The following POM121L12 variants were observed in gnomAD, a reference collection of about 807,000 sequenced individuals.
POM121L12 encodes POM121-like protein 12.
For missense variants in POM121L12, 553 were observed against 409.2 expected, an observed-to-expected ratio of 1.35 and a Z score of -3.03; for synonymous variants, 251 against 179.2, an observed-to-expected ratio of 1.40 and a Z score of -3.20.
chr7:53,036,326 C>A lies in POM121L12; in HGVS notation c.655C>A (p.Pro219Thr). Residue 219 changes from proline to threonine, a missense_variant, in exon 1 of 1, where the codon CCC becomes ACC. By Grantham distance (38) the Pro-to-Thr change is conservative. Coordinates refer to ENST00000408890, the MANE Select transcript of POM121L12 (RefSeq NM_182595.4). Reference protein sequence around the residue: ...NLQPRPSAFKPLSKNGAVASF... With the variant: ...NLQPRPSAFKTLSKNGAVASF... Reference sequence around the variant, plus strand: ...GCAGCCCCGGCCCTCTGCCTTCAAGCCCCTGAGCAAAAATGGAGCGGTTGC... The same window carrying A: ...GCAGCCCCGGCCCTCTGCCTTCAAGACCCTGAGCAAAAATGGAGCGGTTGC... 1 of 1,614,062 alleles carries A rather than the reference C, an allele frequency of 6.2e-7. No homozygotes were observed. The highest frequency in any genetic ancestry group is 1.1e-5 in the South Asian group (1 of 91,086).
At position 53,036,115 on chromosome 7, in the gene POM121L12, G is replaced by A; in HGVS notation, c.444G>A (p.Glu148=). 1 of 1,611,680 alleles carries A rather than the reference G, an allele frequency of 6.2e-7. No individual in the cohort carries two copies. Among genetic ancestry groups the A allele is most frequent in the Non-Finnish European group, 8.5e-7 (1 of 1,179,700 alleles). ...TIGIAPPERQ[E]SPWRSPGQRA... is the part of the protein sequence containing the mutation. ...GGATCGCGCCCCCTGAGCGTCAGGA[G>A]AGCCCCTGGAGATCCCCTGGACAGA... The change falls in exon 1 of 1, where the codon GAG becomes GAA. Residue 148 remains glutamate (E), a synonymous_variant. Transcript: ENST00000408890.
Position 53,036,414 on chromosome 7 carries a change from G to C in POM121L12, c.743G>C (p.Cys248Ser). ...PSLGPWSLSF[C>S]DDAWPSVLVQ... ...CTCGGCCCCTGGAGCCTCAGTTTTT[G>C]TGATGATGCTTGGCCTTCCGTGCTG... is the stretch of plus-strand genomic sequence containing the variant. The change falls in exon 1 of 1, where the codon TGT becomes TCT. Residue 248 changes from cysteine (C) to serine (S), a missense_variant. By Grantham distance (112) the Cys-to-Ser change is moderately radical. Transcript: ENST00000408890. 1 of 1,613,798 alleles carries C rather than the reference G, an allele frequency of 6.2e-7. No homozygotes were observed. The highest frequency in any genetic ancestry group is 8.5e-7 in the Non-Finnish European group (1 of 1,180,014).
chr7:53,036,448 C>G lies in POM121L12; in HGVS notation c.777C>G (p.Pro259=). The part of the protein sequence containing the change: ...DDAWPSVLVQ[P]APSAIWDFWE... ...CTTGGCCTTCCGTGCTGGTCCAGCC[C>G]GCCCCATCCGCCATCTGGGACTTCT... Residue 259 remains proline, a synonymous_variant, in exon 1 of 1, where the codon CCC becomes CCG. Coordinates refer to ENST00000408890, the MANE Select transcript of POM121L12 (RefSeq NM_182595.4). 2 of 1,613,824 alleles carry G rather than the reference C, an allele frequency of 1.2e-6. No homozygotes were observed. Among genetic ancestry groups the G allele is most frequent in the Non-Finnish European group, 1.7e-6 (2 of 1,180,034 alleles).
In POM121L12 at chr7:53,035,657, A is replaced by C; in HGVS notation, c.-15A>C. 1.3e-6 allele frequency: 2 copies of C among 1,542,456 alleles called. No individual in the cohort carries two copies. The highest frequency in any genetic ancestry group is 1.8e-6 in the Non-Finnish European group (2 of 1,142,656). On this transcript the variant is annotated 5_prime_UTR_variant, in exon 1 of 1. Coordinates refer to ENST00000408890, the MANE Select transcript of POM121L12 (RefSeq NM_182595.4). Reference sequence around the variant, plus strand: ...CGTGCCTTCCAAGCGCCCAGAGGCCAACGGTCCCCCAGCCATGGGCGCTGC... The same window carrying C: ...CGTGCCTTCCAAGCGCCCAGAGGCCCACGGTCCCCCAGCCATGGGCGCTGC...
At position 53,035,957 on chromosome 7, in the gene POM121L12, G is replaced by C. The variant is rs750845840; in HGVS notation, c.286G>C (p.Gly96Arg). 6.2e-7 allele frequency: 1 copy of C among 1,612,626 alleles called. No individual in the cohort carries two copies. Among genetic ancestry groups the C allele is most frequent in the Non-Finnish European group, 8.5e-7 (1 of 1,179,510 alleles). ...PAKPQRVVSE[G>R]WRRPALPGET... ...CAAGCCGCAGCGGGTGGTCTCCGAG[G>C]GCTGGAGGCGCCCTGCCCTTCCCGG... The change falls in exon 1 of 1, where the codon GGC becomes CGC. Residue 96 changes from glycine to arginine, a missense_variant. By Grantham distance (125) the Gly-to-Arg change is moderately radical. Coordinates refer to ENST00000408890, the MANE Select transcript of POM121L12 (RefSeq NM_182595.4).
In POM121L12 at chr7:53,035,679, C is replaced by G. The variant is rs962968919; in HGVS notation, c.8C>G (p.Ala3Gly). 6.3e-7 allele frequency: 1 copy of G among 1,578,522 alleles called. No homozygotes were observed. The highest frequency in any genetic ancestry group is 2.4e-5 in the East Asian group (1 of 42,442). ...GCCAACGGTCCCCCAGCCATGGGCG[C>G]TGCAGCTCCGGCCGAGTCCGCAGAC... The part of the protein sequence containing the change: MG[A>G]AAPAESADLG... The change falls in exon 1 of 1, where the codon GCT becomes GGT. Residue 3 changes from alanine to glycine, a missense_variant. Physicochemically the swap from Ala to Gly is moderately conservative, Grantham distance 60. Transcript: ENST00000408890.
In POM121L12 at chr7:53,036,213, C is replaced by G. The variant is rs775319102; in HGVS notation, c.542C>G (p.Ala181Gly). The G allele has an allele frequency of 6.2e-7, 1 of 1,612,994 alleles. No individual in the cohort carries two copies. Residue 181 changes from alanine to glycine, a missense_variant, in exon 1 of 1, where the codon GCG (alanine) becomes GGG (glycine). Coordinates refer to ENST00000408890, the MANE Select transcript of POM121L12 (RefSeq NM_182595.4). ...TGCACCCGGGAGACTCTGCTGGGGG[C>G]GCTCAGCCAGTGCCCCAAGGGAAGC... is the stretch of plus-strand genomic sequence containing the variant. ...DPCTRETLLGALSQCPKGSAR... is the reference protein window; with the variant it reads ...DPCTRETLLGGLSQCPKGSAR...
chr7:53,036,289 C>G lies in POM121L12; in HGVS notation c.618C>G (p.Gly206=), dbSNP rs770031870. Residue 206 remains glycine (G), a synonymous_variant, in exon 1 of 1, where the codon GGC becomes GGG. Transcript: ENST00000408890. The stretch of plus-strand genomic sequence containing the variant: ...TCGAGGTCTCAGACAGCAAGGGTGG[C>G]AGGCGGAACCTGCAGCCCCGGCCCT... The part of the protein sequence containing the change: ...LWFEVSDSKG[G]RRNLQPRPSA... 6.8e-6 allele frequency: 11 copies of G among 1,614,108 alleles called. No homozygotes were observed. In the South Asian group the frequency reaches 1.2e-4, roughly 18 times the overall value.
At position 53,036,363 on chromosome 7, in the gene POM121L12, C is replaced by A; in HGVS notation, c.692C>A (p.Pro231His). Residue 231 changes from proline (P) to histidine (H), a missense_variant, in exon 1 of 1, where the codon CCC becomes CAC. Transcript: ENST00000408890. The part of the protein sequence containing the change: ...SKNGAVASFV[P>H]RPGPLKPSLG... ...AATGGAGCGGTTGCTTCCTTCGTGC[C>A]CAGGCCAGGGCCTCTGAAGCCGAGC... The A allele has an allele frequency of 6.2e-7, 1 of 1,613,716 alleles. No individual in the cohort carries two copies. Among genetic ancestry groups the A allele is most frequent in the Non-Finnish European group, 8.5e-7 (1 of 1,179,876 alleles).
rs770164337 is a variant in POM121L12 at position 53,036,574 on chromosome 7, C to T, written c.*12C>T. 1.9e-6 allele frequency: 3 copies of T among 1,590,846 alleles called. No individual in the cohort carries two copies. Among genetic ancestry groups the T allele is most frequent in the South Asian group, 1.1e-5 (1 of 88,456 alleles). On this transcript the variant is annotated 3_prime_UTR_variant, in exon 1 of 1. Coordinates refer to ENST00000408890, the MANE Select transcript of POM121L12 (RefSeq NM_182595.4). Reference sequence around the variant, plus strand: ...CCTTTGGCTCCTAAGAATCTGGGCTCTGCTACCCACCTCCGGAGACACAAG... The same window carrying T: ...CCTTTGGCTCCTAAGAATCTGGGCTTTGCTACCCACCTCCGGAGACACAAG...
rs1370713679 is a variant in POM121L12, at chr7:53,036,012, G to A, written c.341G>A (p.Cys114Tyr). ...GETALGRDLS[C>Y]AWEGCMKGGL... ...ACCGCTCTGGGGCGAGACCTCTCCT[G>A]TGCCTGGGAGGGTTGCATGAAAGGG... Residue 114 changes from cysteine to tyrosine, a missense_variant, in exon 1 of 1, where the codon TGT becomes TAT. Coordinates refer to ENST00000408890, the MANE Select transcript of POM121L12 (RefSeq NM_182595.4). The A allele has an allele frequency of 6.2e-7, 1 of 1,613,132 alleles. No individual in the cohort carries two copies. Among genetic ancestry groups the A allele is most frequent in the Admixed American group, 1.7e-5 (1 of 60,020 alleles).
At position 53,036,359 on chromosome 7, in the gene POM121L12, G is replaced by A. The variant is rs200917237; in HGVS notation, c.688G>A (p.Val230Met). ...CAAAAATGGAGCGGTTGCTTCCTTC[G>A]TGCCCAGGCCAGGGCCTCTGAAGCC... ...LSKNGAVASFVPRPGPLKPSL... is the reference protein window; with the variant it reads ...LSKNGAVASFMPRPGPLKPSL... Residue 230 changes from valine (V) to methionine (M), a missense_variant, in exon 1 of 1, where the codon GTG becomes ATG. Transcript: ENST00000408890. 1.8e-4 allele frequency: 296 copies of A among 1,613,674 alleles called. No individual in the cohort carries two copies. The highest frequency in any genetic ancestry group is 2.5e-4 in the Admixed American group (15 of 60,010).
chr7:53,036,128 T>G lies in POM121L12; in HGVS notation c.457T>G (p.Ser153Ala), dbSNP rs2116355366. 3.7e-6 allele frequency: 6 copies of G among 1,611,188 alleles called. No individual in the cohort carries two copies. The Middle Eastern group carries it at 1.0e-3, about 269-fold the overall frequency. Residue 153 changes from serine to alanine, a missense_variant, in exon 1 of 1, where the codon TCC becomes GCC. Physicochemically the swap from Ser to Ala is moderately conservative, Grantham distance 99. Coordinates refer to ENST00000408890, the MANE Select transcript of POM121L12 (RefSeq NM_182595.4). Reference sequence around the variant, plus strand: ...TGAGCGTCAGGAGAGCCCCTGGAGATCCCCTGGACAGAGAGCCCGCCCCGC... The same window carrying G: ...TGAGCGTCAGGAGAGCCCCTGGAGAGCCCCTGGACAGAGAGCCCGCCCCGC... ...PPERQESPWRSPGQRARPAGR... is the reference protein window; with the variant it reads ...PPERQESPWRAPGQRARPAGR...
Position 53,035,740 on chromosome 7 carries a change from G to A in POM121L12, c.69G>A (p.Leu23=), listed in dbSNP as rs758484173. 6.2e-7 allele frequency: 1 copy of A among 1,613,090 alleles called. No homozygotes were observed. Among genetic ancestry groups the A allele is most frequent in the Non-Finnish European group, 8.5e-7 (1 of 1,179,704 alleles). ...TCTGGAAGGCGGGAGAACCCCTGCT[G>A]CAAGGCCCCGACGCCCTGGCGGCTC... ...GNFWKAGEPL[L]QGPDALAAPM... The change falls in exon 1 of 1, where the codon CTG becomes CTA. Residue 23 remains leucine (L), a synonymous_variant. Coordinates refer to ENST00000408890, the MANE Select transcript of POM121L12 (RefSeq NM_182595.4).
In POM121L12 at chr7:53,036,053, T is replaced by C. The variant is rs962696195; in HGVS notation, c.382T>C (p.Trp128Arg). Residue 128 changes from tryptophan (W) to arginine (R), a missense_variant, in exon 1 of 1, where the codon TGG (tryptophan) becomes CGG (arginine). Coordinates refer to ENST00000408890, the MANE Select transcript of POM121L12 (RefSeq NM_182595.4). ...GCMKGGLCRA[W>R]NPGRTWSPVT... is the part of the protein sequence containing the mutation. ...CATGAAAGGGGGGCTGTGTCGTGCCTGGAACCCAGGACGGACCTGGAGCCC... is the reference window on the plus strand; with the variant it reads ...CATGAAAGGGGGGCTGTGTCGTGCCCGGAACCCAGGACGGACCTGGAGCCC... 10 of 1,612,906 alleles carry C rather than the reference T, an allele frequency of 6.2e-6. No homozygotes were observed. The highest frequency in any genetic ancestry group is 8.5e-6 in the Non-Finnish European group (10 of 1,179,866).
rs777494478 is a variant in POM121L12, at chr7:53,036,456, C to T, written c.785C>T (p.Ser262Phe). Reference protein sequence around the residue: ...WPSVLVQPAPSAIWDFWEATT... With the variant: ...WPSVLVQPAPFAIWDFWEATT... ...TCCGTGCTGGTCCAGCCCGCCCCATCCGCCATCTGGGACTTCTGGGAGGCG... is the reference window on the plus strand; with the variant it reads ...TCCGTGCTGGTCCAGCCCGCCCCATTCGCCATCTGGGACTTCTGGGAGGCG... The change falls in exon 1 of 1, where the codon TCC (serine) becomes TTC (phenylalanine). Residue 262 changes from serine (S) to phenylalanine (F), a missense_variant. By Grantham distance (155) the Ser-to-Phe change is radical. Coordinates refer to ENST00000408890, the MANE Select transcript of POM121L12 (RefSeq NM_182595.4). 7.4e-6 allele frequency: 12 copies of T among 1,613,790 alleles called. No homozygotes were observed. Among genetic ancestry groups the T allele is most frequent in the Middle Eastern group, 1.6e-4 (1 of 6,084 alleles).
Position 53,036,430 on chromosome 7 carries a change from T to G in POM121L12, c.759T>G (p.Pro253=). The G allele has an allele frequency of 6.2e-7, 1 of 1,613,780 alleles. No individual in the cohort carries two copies. Residue 253 remains proline, a synonymous_variant, in exon 1 of 1, where the codon CCT becomes CCG. Coordinates refer to ENST00000408890, the MANE Select transcript of POM121L12 (RefSeq NM_182595.4). The stretch of plus-strand genomic sequence containing the variant: ...TCAGTTTTTGTGATGATGCTTGGCC[T>G]TCCGTGCTGGTCCAGCCCGCCCCAT... The part of the protein sequence containing the change: ...WSLSFCDDAW[P]SVLVQPAPSA...
chr7:53,035,819 CA>C, the POM121L12 span: 2 of 1,613,740 alleles, frequency 1.2e-6, no homozygotes, highest in Non-Finnish European at 1.7e-6. Context: ...CCAGGGTCGC[CA>C]GAGTCCCTGG....
chr7:53,036,283 G>A lies in POM121L12; in HGVS notation c.612G>A (p.Lys204=). 2 of 1,614,142 alleles carry A rather than the reference G, an allele frequency of 1.2e-6. No homozygotes were observed. Among genetic ancestry groups the A allele is most frequent in the Non-Finnish European group, 1.7e-6 (2 of 1,180,012 alleles). The change falls in exon 1 of 1, where the codon AAG becomes AAA. Residue 204 remains lysine, a synonymous_variant. Transcript: ENST00000408890. The stretch of plus-strand genomic sequence containing the variant: ...TGTGGTTCGAGGTCTCAGACAGCAA[G>A]GGTGGCAGGCGGAACCTGCAGCCCC... ...GPLWFEVSDS[K]GGRRNLQPRP...
Sources: gnomAD v4.1 joint callset for allele counts on GRCh38, gnomAD v4.1.1 for gene constraint, MANE v1.5 for transcripts, NCBI Gene and HGNC (gene_info 2026-07-23, HGNC 2026-07-21) for gene names.